COL4A4: variants seen among roughly 807,000 people sequenced by gnomAD.
The protein encoded by COL4A4 is collagen alpha-4(IV) chain.
In COL4A4, 105 loss-of-function variants were observed where a neutral mutation model predicts 192.9. The observed-to-expected ratio is 0.54, with a 90% confidence interval of 0.46 to 0.64. The LOEUF (loss-of-function observed/expected upper bound fraction) is 0.64, where lower values mean the gene tolerates loss of function less well. COL4A4 is among the 30% of genes least tolerant of loss of function. The pLI is 0.00. For synonymous variants in COL4A4, 762 were observed against 769.9 expected (o/e 0.99, Z 0.17); for missense variants, 1,967 against 2,169.3 (o/e 0.91, Z 1.85).
intron 21 of COL4A4, 53 bp downstream of exon 21, chr2:227,089,815 G>A (rs191141536): frequency 1.6e-4 from 229 of 1,426,398 alleles, no homozygotes; most frequent in African/African-American, 1.3e-4. Flanking sequence ...AAATGCCCCC[G>A]ATCATCCATG....
intron 4 of COL4A4, among the ~76,000 whole-genome samples, chr2:227,131,225 G>A (rs913948671): frequency 7.3e-5 from 11 of 149,898 alleles, no homozygotes; most frequent in African/African-American, 2.5e-4. Flanking sequence ...GCACGATCTC[G>A]GCCCACTGCA....
At chr2:227,164,223 C>T (rs1175152806), upstream of COL4A4, 1 of 156,960 alleles carries the variant, frequency 6.4e-6, no homozygotes, top group Admixed American at 6.5e-5. This position sits in a 1 kb window ranked among gnomAD's most constrained non-coding sequence, Gnocchi z 4.8. Flanking sequence ...CCCGGCGCGC[C>T]TCCCGCTTAA....
chr2:227,096,644 T>G (rs1188071541), intron 19 of COL4A4, among the ~76,000 whole-genome samples: 2 of 152,220 alleles, frequency 1.3e-5, no homozygotes, highest in African/African-American at 4.8e-5. Flanking sequence ...GTATACATAT[T>G]ATTTCTTTCA....
intron 4 of COL4A4, among the ~76,000 whole-genome samples, chr2:227,134,434 T>C (rs2062680166): frequency 6.6e-6 from 1 of 152,144 alleles, no homozygotes; most frequent in Non-Finnish European, 1.5e-5. Context: ...TGGAACTTGT[T>C]TACATCAAAA....
chr2:227,088,369 T>A (rs911386391), intron 22 of COL4A4, among the ~76,000 whole-genome samples: 1 of 152,124 alleles, frequency 6.6e-6, no homozygotes, highest in Non-Finnish European at 1.5e-5. Flanking sequence ...CCCCATGCTG[T>A]TCTCACAATA....
At chr2:227,139,557 C>T (rs973197124) in intron 4 of COL4A4, among the ~76,000 whole-genome samples, 1 of 152,200 alleles carries the variant, frequency 6.6e-6, no homozygotes, top group Non-Finnish European at 1.5e-5. Flanking sequence ...CGCAAACGTT[C>T]TGGGTGGACT....
chr2:227,041,848 G>GAAAGAAAGAGAGAGAGAGAGAGAA (rs1243663359), intron 37 of COL4A4, among the ~76,000 whole-genome samples: 18 of 38,728 alleles, frequency 4.6e-4, no homozygotes, highest in Non-Finnish European at 6.6e-4. Flanking sequence ...AAGAAAGAAA[G>GAAAGAAAGAGAGAGAGAGAGAGAA]AGAAAGAAAG....
At chr2:227,074,864 G>T in intron 25 of COL4A4, among the ~76,000 whole-genome samples, 1 of 152,038 alleles carries the variant, frequency 6.6e-6, no homozygotes, top group East Asian at 1.9e-4. Flanking sequence ...GTATGCAAAG[G>T]CATAAGAGTG....
chr2:227,132,061 C>T (rs747320360), intron 4 of COL4A4, among the ~76,000 whole-genome samples: 9 of 152,350 alleles, frequency 5.9e-5, no homozygotes, highest in Admixed American at 4.6e-4. Context: ...TAGAAACTGA[C>T]AGAAGGCTTC....
chr2:227,135,248 CT>C (rs34968478), intron 4 of COL4A4, among the ~76,000 whole-genome samples: 50,202 of 151,944 alleles, frequency 0.33, 9,161 homozygotes, highest in Non-Finnish European at 0.41. Flanking sequence ...AACCAGCCCC[CT>C]CTAGGACAAA....
chr2:226,981,305 T>G, the COL4A4 span, among the ~76,000 whole-genome samples: 5 of 152,068 alleles, frequency 3.3e-5, no homozygotes, highest in African/African-American at 1.2e-4. Context: ...GCATGGCACA[T>G]GTATACCTAT....
chr2:226,977,385 T>G, the COL4A4 span, among the ~76,000 whole-genome samples: 330 of 152,310 alleles, frequency 2.2e-3, 3 homozygotes, highest in African/African-American at 7.0e-3. Context: ...CGGCTGGAAT[T>G]CATGAGAATG....
intron 1 of COL4A4, among the ~76,000 whole-genome samples, chr2:227,148,251 C>T (rs556810468): frequency 2.6e-5 from 4 of 152,098 alleles, no homozygotes; most frequent in Admixed American, 6.6e-5. Context: ...GAACACAACC[C>T]GCATGTCCAT....
intron 12 of COL4A4, among the ~76,000 whole-genome samples, chr2:227,106,877 A>G (rs980446440): frequency 6.6e-6 from 1 of 152,176 alleles, no homozygotes; most frequent in African/African-American, 2.4e-5. Context: ...AAAATTGTAA[A>G]ATTATGTGTT....
chr2:227,132,962 G>A (rs1194877329), intron 4 of COL4A4, among the ~76,000 whole-genome samples: 1 of 152,154 alleles, frequency 6.6e-6, no homozygotes, highest in Admixed American at 6.5e-5. Context: ...TTGTACTAAA[G>A]AGGTATTCTT....
chr2:227,049,961 G>A, intron 34 of COL4A4, 107 bp downstream of exon 34: 1 of 1,066,236 alleles, frequency 9.4e-7, no homozygotes, highest in Non-Finnish European at 1.5e-6. Flanking sequence ...GGGTGTTGCA[G>A]TTTCTTTGAT....
At chr2:227,043,364 C>T (rs1458235282) in intron 35 of COL4A4, among the ~76,000 whole-genome samples, 180 bp from the exon 36 acceptor site, 2 of 152,212 alleles carry the variant, frequency 1.3e-5, no homozygotes, top group Admixed American at 6.5e-5. Context: ...ATCCCACCAG[C>T]TTAACACAAT....
intron 12 of COL4A4, among the ~76,000 whole-genome samples, chr2:227,104,647 T>TC (rs1233744905): frequency 1.1e-4 from 16 of 149,174 alleles, no homozygotes; most frequent in African/African-American, 3.7e-4. Flanking sequence ...ACTTTTTTTT[T>TC]TTTTTTTTTT....
At chr2:227,070,744 G>T (rs1006226050) in intron 25 of COL4A4, among the ~76,000 whole-genome samples, 3 of 140,448 alleles carry the variant, frequency 2.1e-5, no homozygotes, top group Non-Finnish European at 4.7e-5. Context: ...GGGGAGGGGG[G>T]AGGATAGCAT....
Sources: allele counts gnomAD v4.1 joint callset (sites outside exome capture counted in the v4.1 genomes callset), GRCh38; gene constraint gnomAD v4.1.1; non-coding constraint Gnocchi (gnomAD v3.1); transcripts MANE v1.5; gene names NCBI Gene and HGNC (gene_info 2026-07-23, HGNC 2026-07-21).